The following LMAN1 variants were observed in gnomAD, a reference collection of about 807,000 sequenced individuals.
The protein encoded by LMAN1 is protein ERGIC-53.
LMAN1 carries 32 observed loss-of-function variants against 67.8 expected under a neutral mutation model. The observed-to-expected ratio is 0.47, with a 90% CI of 0.36 to 0.63. LMAN1 has a LOEUF of 0.63. Ranked by LOEUF, LMAN1 falls within the 30% of genes least tolerant of loss-of-function variation. The probability of loss-of-function intolerance (pLI) is 0.00; values close to 1 mark genes in which losing one functional copy is unlikely to be tolerated. For synonymous variants in LMAN1, 235 were observed against 219.3 expected, an observed-to-expected ratio of 1.07 and a Z score of -0.63; for missense variants, 632 against 628.2, an observed-to-expected ratio of 1.01 and a Z score of -0.06.
intron 5 of LMAN1, chr18:59,351,578 A>C (rs184698966): frequency 6.6e-5 from 10 of 152,220 alleles, no homozygotes; most frequent in African/African-American, 2.4e-4. Context: ...GGTCTAATAA[A>C]GGTTTATTTA....
At chr18:59,338,503 A>G in intron 10 of LMAN1, 54 bp downstream of exon 10, 1 of 1,462,142 alleles carries the variant, frequency 6.8e-7, no homozygotes, top group South Asian at 1.1e-5. Context: ...TGAAGTCACA[A>G]ATTTAGGATA....
intron 7 of LMAN1, among the ~76,000 whole-genome samples, chr18:59,346,565 G>T (rs1908413582): frequency 6.7e-6 from 1 of 149,670 alleles, no homozygotes; most frequent in South Asian, 2.1e-4. Flanking sequence ...TTGTTGCCCA[G>T]GCTGAAGTGC....
intron 11 of LMAN1, 100 bp from the exon 12 acceptor site, chr18:59,331,639 G>C: frequency 7.4e-7 from 1 of 1,352,966 alleles, no homozygotes. Context: ...ATATAAACAA[G>C]TATTTTCATT....
At chr18:59,337,455 GTATCA>G (rs1908184737) in intron 10 of LMAN1, among the ~76,000 whole-genome samples, 1 of 152,080 alleles carries the variant, frequency 6.6e-6, no homozygotes, top group Non-Finnish European at 1.5e-5. Flanking sequence ...TGATTGAATT[GTATCA>G]ATGTTAATTT....
Position 59,333,239 on chromosome 18 carries a change from G to C in LMAN1, c.1226C>G (p.Ser409Cys). Residue 409 changes from serine (S) to cysteine (C), a missense_variant, in exon 11 of 13, where the codon TCC becomes TGC. Transcript: ENST00000251047. ...ILRQVNEMKN[S>C]MSETVRLVSG... is the part of the protein sequence containing the mutation. ...GACCAGTCTGACGGTTTCACTCATG[G>C]AATTTCTGAAACAGAAAGTCTCTTG... is the stretch of plus-strand genomic sequence containing the variant. 1 of 1,612,614 alleles carries C rather than the reference G, an allele frequency of 6.2e-7. No homozygotes were observed. Among genetic ancestry groups the C allele is most frequent in the East Asian group, 2.2e-5 (1 of 44,824 alleles).
intron 3 of LMAN1, 72 bp downstream of exon 3, chr18:59,355,241 C>CT: frequency 9.0e-7 from 1 of 1,113,664 alleles, no homozygotes; most frequent in Non-Finnish European, 1.3e-6. Flanking sequence ...ATTGAATAAG[C>CT]TATTATTTCT....
rs1015764557 is a variant in LMAN1, at chr18:59,328,208, C to A, written c.*2885G>T. On this transcript the variant is annotated 3_prime_UTR_variant, in exon 13 of 13. Coordinates refer to ENST00000251047, the MANE Select transcript of LMAN1 (RefSeq NM_005570.4). ...GCAGTGAGGCAGGCAATCCCTTGTT[C>A]AAGTCATTTCTGTTTTCCCTAAGTT... 2 of 152,124 alleles carry A rather than the reference C, an allele frequency of 1.3e-5. No homozygotes were observed. The highest frequency in any genetic ancestry group is 1.3e-4 in the Admixed American group (2 of 15,238). The allele number at this position is 152,124 out of a possible 1,614,324, so 9.4% of individuals were successfully genotyped here.
At position 59,331,558 on chromosome 18, in the gene LMAN1, T is replaced by G. The variant is rs377234365; in HGVS notation, c.1375-19A>C. 3.7e-6 allele frequency: 6 copies of G among 1,611,810 alleles called. No homozygotes were observed. Among genetic ancestry groups the G allele is most frequent in the Non-Finnish European group, 5.1e-6 (6 of 1,178,212 alleles). ...TTGATGGCTGTAAGGCAAATGACTT[T>G]CTATTACAGTTAGTCAAAATAGCAG... On this transcript the variant is annotated intron_variant, in intron 11 of 12. Coordinates refer to ENST00000251047, the MANE Select transcript of LMAN1 (RefSeq NM_005570.4).
intron 8 of LMAN1, among the ~76,000 whole-genome samples, chr18:59,340,989 T>A (rs1180171168): frequency 1.3e-5 from 2 of 152,002 alleles, no homozygotes; most frequent in African/African-American, 2.4e-5. Flanking sequence ...AGGTTATTCA[T>A]AAAGACACAC....
At chr18:59,353,617 T>C (rs1908594278) in intron 4 of LMAN1, among the ~76,000 whole-genome samples, 1 of 152,086 alleles carries the variant, frequency 6.6e-6, no homozygotes. Context: ...GGGCTGAAAC[T>C]CACTAAGGCA....
chr18:59,357,516 T>C (rs1329404887), intron 1 of LMAN1, among the ~76,000 whole-genome samples: 2 of 152,214 alleles, frequency 1.3e-5, no homozygotes, highest in African/African-American at 4.8e-5. Context: ...ATCATTTGCA[T>C]CACCTTTGTG....
chr18:59,336,036 T>C (rs777445909), intron 10 of LMAN1, among the ~76,000 whole-genome samples: 25 of 152,194 alleles, frequency 1.6e-4, no homozygotes, highest in Non-Finnish European at 2.1e-4. Flanking sequence ...ATTAACTCTG[T>C]AGTGTTCAGT....
intron 9 of LMAN1, 45 bp from the exon 10 acceptor site, chr18:59,338,672 T>C (rs1274268519): frequency 1.9e-6 from 3 of 1,603,652 alleles, no homozygotes; most frequent in Admixed American, 3.3e-5. Flanking sequence ...ATCCACATTC[T>C]ATGAGCACAT....
chr18:59,345,192 TAC>T (rs1191830484), intron 8 of LMAN1, among the ~76,000 whole-genome samples: 1 of 152,222 alleles, frequency 6.6e-6, no homozygotes, highest in East Asian at 1.9e-4. Flanking sequence ...AACTGCATAC[TAC>T]ATAGAGTTCA....
intron 8 of LMAN1, among the ~76,000 whole-genome samples, chr18:59,343,976 CAA>C (rs1460147655): frequency 6.6e-6 from 1 of 152,004 alleles, no homozygotes; most frequent in African/African-American, 2.4e-5. Flanking sequence ...AAAAACTGGG[CAA>C]AGAGCATGAA....
At position 59,355,440 on chromosome 18, in the gene LMAN1, A is replaced by C; in HGVS notation, c.370-20T>G. ...AATTGCCTGAAAATATGTAATAGGG[A>C]ACAGTTAGAGGCTAGTGGTATATGC... On this transcript the variant is annotated intron_variant, in intron 2 of 12. Coordinates refer to ENST00000251047, the MANE Select transcript of LMAN1 (RefSeq NM_005570.4). 4 of 1,613,930 alleles carry C rather than the reference A, an allele frequency of 2.5e-6. No individual in the cohort carries two copies. The Admixed American group carries it at 5.0e-5, about 20-fold the overall frequency.
In LMAN1 at chr18:59,353,231, T is replaced by C; in HGVS notation, c.610A>G (p.Lys204Glu). The change falls in exon 5 of 13, where the codon AAG (lysine) becomes GAG (glutamate). Residue 204 changes from lysine (K) to glutamate (E), a missense_variant. Physicochemically the swap from Lys to Glu is moderately conservative, Grantham distance 56. Coordinates refer to ENST00000251047, the MANE Select transcript of LMAN1 (RefSeq NM_005570.4). ...FRNKPYPVRA[K>E]ITYYQNTLTV... Reference sequence around the variant, plus strand: ...AGTGTGTTCTGGTAATAGGTAATCTTTGCTCGGACAGGATAGGGTTTGTTG... The same window carrying C: ...AGTGTGTTCTGGTAATAGGTAATCTCTGCTCGGACAGGATAGGGTTTGTTG... The C allele has an allele frequency of 6.2e-7, 1 of 1,614,106 alleles. No homozygotes were observed. The highest frequency in any genetic ancestry group is 8.5e-7 in the Non-Finnish European group (1 of 1,179,960).
intron 6 of LMAN1, among the ~76,000 whole-genome samples, chr18:59,348,394 C>A (rs1025179117): frequency 6.6e-6 from 1 of 152,138 alleles, no homozygotes; most frequent in Non-Finnish European, 1.5e-5. Context: ...AAATCCAGGC[C>A]GAGTCCTGCC....
Position 59,355,413 on chromosome 18 carries a change from C to A in LMAN1, c.377G>T (p.Trp126Leu), listed in dbSNP as rs746300134. 1.2e-6 allele frequency: 2 copies of A among 1,613,996 alleles called. No individual in the cohort carries two copies. Among genetic ancestry groups the A allele is most frequent in the South Asian group, 2.2e-5 (2 of 91,078 alleles). Reference protein sequence around the residue: ...GRIGADGLAIWYAENQGLEGP... With the variant: ...GRIGADGLAILYAENQGLEGP... The stretch of plus-strand genomic sequence containing the variant: ...CTCCAAGCCTTGATTTTCTGCATAC[C>A]AAATTGCCTGAAAATATGTAATAGG... Residue 126 changes from tryptophan to leucine, a missense_variant, in exon 3 of 13, where the codon TGG becomes TTG. Trp to Leu is a moderately conservative substitution (Grantham distance 61). Coordinates refer to ENST00000251047, the MANE Select transcript of LMAN1 (RefSeq NM_005570.4).
Sources: allele counts gnomAD v4.1 joint callset (sites outside exome capture counted in the v4.1 genomes callset), GRCh38; gene constraint gnomAD v4.1.1; transcripts MANE v1.5; gene names NCBI Gene and HGNC (gene_info 2026-07-23, HGNC 2026-07-21).